Variants in SLC39A8 observed in about 807,000 individuals in gnomAD.
The protein encoded by SLC39A8 is metal cation symporter ZIP8.
A neutral mutation model predicts 40.4 loss-of-function variants in SLC39A8; 15 were observed. The ratio of observed to expected loss-of-function variants is 0.37; its 90% CI spans 0.25 to 0.57. The LOEUF (loss-of-function observed/expected upper bound fraction) is 0.57, where lower values mean the gene tolerates loss of function less well. Ranked by LOEUF, SLC39A8 falls within the 20% of genes least tolerant of loss-of-function variation. The pLI is 0.75. For missense variants in SLC39A8, 472 were observed against 558.8 expected (o/e 0.84, Z 1.57); for synonymous variants, 223 against 221.6 (o/e 1.01, Z -0.06).
At chr4:102,316,474 G>A (rs1428212835) in intron 2 of SLC39A8, among the ~76,000 whole-genome samples, 1 of 151,932 alleles carries the variant, frequency 6.6e-6, no homozygotes, top group South Asian at 2.1e-4. Context: ...CTATTAACAA[G>A]GACTAGAATC....
intron 2 of SLC39A8, among the ~76,000 whole-genome samples, chr4:102,335,418 T>C (rs1735623369): frequency 6.6e-6 from 1 of 152,012 alleles, no homozygotes; most frequent in African/African-American, 2.4e-5. Context: ...CTCATTCTCT[T>C]ATCTGTTTTC....
chr4:102,307,762 G>A (rs1266963144), intron 3 of SLC39A8, among the ~76,000 whole-genome samples, 157 bp from the exon 4 acceptor site: 1 of 152,056 alleles, frequency 6.6e-6, no homozygotes, highest in African/African-American at 2.4e-5. Flanking sequence ...ATAGAAAACT[G>A]AGAATACAAA....
At chr4:102,335,052 G>A (rs926553478) in intron 2 of SLC39A8, among the ~76,000 whole-genome samples, 7 of 152,268 alleles carry the variant, frequency 4.6e-5, no homozygotes, top group Admixed American at 2.0e-4. Flanking sequence ...CTTAAACAGC[G>A]TTCATCCCAA....
intron 6 of SLC39A8, among the ~76,000 whole-genome samples, chr4:102,293,403 G>A (rs1470115): frequency 0.42 from 64,335 of 151,708 alleles, 13,724 homozygotes; most frequent in Non-Finnish European, 0.44. Context: ...TAAAACAAGA[G>A]AAATAAGAGT....
intron 11 of SLC39A8, chr4:102,253,433 G>C: frequency 1.4e-6 from 1 of 715,848 alleles, no homozygotes; most frequent in South Asian, 1.5e-5. Context: ...TACCTTGCCT[G>C]ACAGACAAAG....
chr4:102,272,870 G>T (rs765366521), intron 6 of SLC39A8, among the ~76,000 whole-genome samples: 5 of 152,054 alleles, frequency 3.3e-5, no homozygotes, highest in African/African-American at 1.2e-4. Context: ...GGAGCCAAAG[G>T]AGGCCATGAG....
intron 6 of SLC39A8, among the ~76,000 whole-genome samples, chr4:102,290,154 C>G (rs1027775299): frequency 2.1e-4 from 32 of 152,288 alleles, no homozygotes; most frequent in African/African-American, 6.3e-4. Context: ...CGGCCCTCCA[C>G]TTACAAAAAC....
intron 4 of SLC39A8, among the ~76,000 whole-genome samples, chr4:102,305,731 A>G (rs1033204984): frequency 2.6e-5 from 4 of 152,022 alleles, no homozygotes; most frequent in African/African-American, 9.7e-5. Flanking sequence ...CAGCAATAAG[A>G]ATGGAATAAT....
At chr4:102,302,168 GC>G (rs1733951207) in intron 6 of SLC39A8, among the ~76,000 whole-genome samples, 1 of 152,012 alleles carries the variant, frequency 6.6e-6, no homozygotes, top group African/African-American at 2.4e-5. Flanking sequence ...TAGAAGTGTA[GC>G]CCTGCCTAAA....
chr4:102,290,909 C>G (rs1047222709), intron 6 of SLC39A8, among the ~76,000 whole-genome samples: 10 of 152,154 alleles, frequency 6.6e-5, no homozygotes, highest in Middle Eastern at 3.4e-3. Flanking sequence ...GAATAAGAAC[C>G]CTTTTCCTTT....
Position 102,253,152 on chromosome 4 carries a change from C to T in SLC39A8, c.*577G>A, listed in dbSNP as rs151371. ...ACTGGGGATTAGAACTCAAACATGT[C>T]GTTTTTCGGGGCGAGCGGGGAGGGC... On this transcript the variant is annotated 3_prime_UTR_variant and NMD_transcript_variant, in exon 12 of 12. Coordinates refer to the SLC39A8 transcript ENST00000424970. 0.57 allele frequency: 186,710 copies of T among 326,126 alleles called. 52,513 individuals are homozygous for T. Among genetic ancestry groups the T allele is most frequent in the African/African-American group, 0.64 (25,579 of 39,724 alleles). The allele number at this position is 326,126 out of a possible 1,614,324, so 20.2% of individuals were successfully genotyped here.
At chr4:102,342,609 T>C (rs1371659834) in intron 2 of SLC39A8, among the ~76,000 whole-genome samples, 3 of 152,228 alleles carry the variant, frequency 2.0e-5, no homozygotes, top group Non-Finnish European at 4.4e-5. Flanking sequence ...CTGTCTCTTT[T>C]TGATGCCCAC....
chr4:102,307,500 G>T lies in SLC39A8; in HGVS notation c.488C>A (p.Thr163Asn), dbSNP rs1302504625. The change falls in exon 4 of 9, where the codon ACC becomes AAC. Residue 163 changes from threonine (T) to asparagine (N), a missense_variant. Thr to Asn is a moderately conservative substitution (Grantham distance 65). Transcript: ENST00000356736. ...CCCAATAGCCAGCCCCACAAAAAAG[G>T]TCAAAATCTTTGGGAAATAAGATTT... ...IKKSYFPKIL[T>N]FFVGLAIGTL... The T allele has an allele frequency of 1.2e-6, 2 of 1,613,348 alleles. No individual in the cohort carries two copies. The highest frequency in any genetic ancestry group is 1.3e-5 in the African/African-American group (1 of 74,870).
intron 2 of SLC39A8, among the ~76,000 whole-genome samples, chr4:102,328,964 C>G (rs1398654354): frequency 1.3e-5 from 2 of 150,564 alleles, no homozygotes; most frequent in Non-Finnish European, 1.5e-5. Flanking sequence ...GGAGGCGGAG[C>G]TTGCAGTGAG....
chr4:102,272,312 G>A (rs781584861), intron 6 of SLC39A8, among the ~76,000 whole-genome samples: 3 of 151,960 alleles, frequency 2.0e-5, no homozygotes, highest in African/African-American at 7.3e-5. Context: ...GGTGGTGGGC[G>A]CCTGTAGTCC....
rs1461842057 is a variant in SLC39A8, at chr4:102,344,900, C to A, written c.-238G>T. On this transcript the variant is annotated 5_prime_UTR_variant, in exon 2 of 9. Transcript: ENST00000356736. ...GGAGCGATAGGCGGAGTGGGCCCCC[C>A]GGCCTCCTGGAGAGCCTGAGATAAA... The A allele has an allele frequency of 1.5e-6, 2 of 1,295,294 alleles. No individual in the cohort carries two copies. The highest frequency in any genetic ancestry group is 1.9e-6 in the Non-Finnish European group (2 of 1,026,312). The allele number at this position is 1,295,294 out of a possible 1,614,324, so 80.2% of individuals were successfully genotyped here.
At chr4:102,338,156 T>C (rs551544909) in intron 2 of SLC39A8, among the ~76,000 whole-genome samples, 1 of 152,008 alleles carries the variant, frequency 6.6e-6, no homozygotes, top group East Asian at 1.9e-4. Context: ...TTGCCTTCCA[T>C]AGTCACTTTT....
rs761359020 is a variant in SLC39A8 at position 102,307,512 on chromosome 4, G to A, written c.476C>T (p.Pro159Leu). ...LTPLIKKSYF[P>L]KILTFFVGLA... ...CCCCACAAAAAAGGTCAAAATCTTT[G>A]GGAAATAAGATTTCTTTATCAGTGG... Residue 159 changes from proline to leucine, a missense_variant, in exon 4 of 9, where the codon CCA becomes CTA. Coordinates refer to ENST00000356736, the MANE Select transcript of SLC39A8 (RefSeq NM_001135146.2). The A allele has an allele frequency of 2.5e-6, 4 of 1,613,296 alleles. No individual in the cohort carries two copies. The highest frequency in any genetic ancestry group is 3.4e-6 in the Non-Finnish European group (4 of 1,179,620).
intron 6 of SLC39A8, among the ~76,000 whole-genome samples, chr4:102,279,810 T>C (rs867685907): frequency 9.2e-5 from 14 of 152,136 alleles, no homozygotes; most frequent in Non-Finnish European, 1.9e-4. Context: ...AATGATATGG[T>C]AGTTGATGGG....
Sources: allele counts gnomAD v4.1 joint callset (sites outside exome capture counted in the v4.1 genomes callset), GRCh38; gene constraint gnomAD v4.1.1; transcripts MANE v1.5; gene names NCBI Gene and HGNC (gene_info 2026-07-23, HGNC 2026-07-21).